SPAG16: variants seen among roughly 807,000 people sequenced by gnomAD.
SPAG16 encodes the protein sperm associated antigen 16, also known as sperm-associated antigen 16 protein.
Under a neutral mutation model 80.4 loss-of-function variants are expected in SPAG16, and 86 were observed. The ratio of observed to expected loss-of-function variants is 1.07; its 90% CI spans 0.90 to 1.28. The LOEUF (loss-of-function observed/expected upper bound fraction) is 1.28. SPAG16 is among the 50% of genes most tolerant of loss of function. The pLI is 0.00. For synonymous variants in SPAG16, 294 were observed against 265.9 expected (o/e 1.11, Z -1.03); for missense variants, 870 against 765.3 (o/e 1.14, Z -1.61).
At chr2:214,258,755 T>C (rs1037352093) in intron 15 of SPAG16, among the ~76,000 whole-genome samples, 1 of 151,914 alleles carries the variant, frequency 6.6e-6, no homozygotes, top group South Asian at 2.1e-4. Context: ...ATTATTTATA[T>C]TAGTATATCT....
intron 15 of SPAG16, among the ~76,000 whole-genome samples, chr2:214,205,790 G>T (rs2058127349): frequency 6.6e-6 from 1 of 152,092 alleles, no homozygotes; most frequent in Admixed American, 6.5e-5. Flanking sequence ...CATATAATGT[G>T]TAGTAATCAA....
At chr2:214,106,850 G>A (rs530812510) in intron 13 of SPAG16, among the ~76,000 whole-genome samples, 1 of 152,028 alleles carries the variant, frequency 6.6e-6, no homozygotes, top group Non-Finnish European at 1.5e-5. Context: ...AATGTGTGAG[G>A]CAAACATCTA....
At chr2:214,323,427 G>T (rs1020261180) in intron 15 of SPAG16, among the ~76,000 whole-genome samples, 1 of 151,764 alleles carries the variant, frequency 6.6e-6, no homozygotes, top group African/African-American at 2.4e-5. Context: ...TCAAGTATTA[G>T]GTCATATTTA....
Position 213,340,230 on chromosome 2 carries a change from A to C in SPAG16, c.604A>C (p.Ile202Leu), listed in dbSNP as rs1451502291. Residue 202 changes from isoleucine to leucine, a missense_variant, in exon 6 of 16, where the codon ATA (isoleucine) becomes CTA (leucine). Ile to Leu is a conservative substitution (Grantham distance 5, BLOSUM62 2). Coordinates refer to ENST00000331683, the MANE Select transcript of SPAG16 (RefSeq NM_024532.5). ...TTTTCATCGAATGCATCATAAGCGAATAGTCCAGGAAAAAAACAAATTAAT... is the reference window on the plus strand; with the variant it reads ...TTTTCATCGAATGCATCATAAGCGACTAGTCCAGGAAAAAAACAAATTAAT... ...RDFHRMHHKR[I>L]VQEKNKLIND... The C allele has an allele frequency of 6.2e-7, 1 of 1,612,932 alleles. No individual in the cohort carries two copies. The highest frequency in any genetic ancestry group is 1.7e-5 in the Admixed American group (1 of 59,844).
chr2:213,950,100 G>A (rs1458277259), intron 12 of SPAG16, among the ~76,000 whole-genome samples: 1 of 152,128 alleles, frequency 6.6e-6, no homozygotes, highest in Non-Finnish European at 1.5e-5. Context: ...GGATTCACCT[G>A]AATATTAAAC....
At chr2:214,167,424 G>A (rs991591059) in intron 15 of SPAG16, among the ~76,000 whole-genome samples, 2 of 152,052 alleles carry the variant, frequency 1.3e-5, no homozygotes, top group African/African-American at 2.4e-5. Flanking sequence ...GGATGCCCAT[G>A]AGCCAACAAA....
At chr2:214,039,689 A>G (rs546003577) in intron 13 of SPAG16, among the ~76,000 whole-genome samples, 2 of 152,342 alleles carry the variant, frequency 1.3e-5, no homozygotes, top group South Asian at 4.1e-4. Context: ...AACTGGCTAT[A>G]AAATTTTTCA....
chr2:214,097,048 T>C (rs774441557), intron 13 of SPAG16, among the ~76,000 whole-genome samples: 4 of 152,094 alleles, frequency 2.6e-5, no homozygotes, highest in Non-Finnish European at 4.4e-5. Context: ...TGCTCTATTG[T>C]ATTAAAATGT....
intron 10 of SPAG16, among the ~76,000 whole-genome samples, chr2:213,555,929 G>A (rs563217614): frequency 6.6e-6 from 1 of 152,124 alleles, no homozygotes; most frequent in East Asian, 1.9e-4. Context: ...TATGTAAATT[G>A]TGACATCAAA....
At chr2:214,007,539 C>A (rs537452271) in intron 12 of SPAG16, among the ~76,000 whole-genome samples, 46 of 152,138 alleles carry the variant, frequency 3.0e-4, no homozygotes, top group Non-Finnish European at 5.9e-4. Flanking sequence ...TTCTTTTCAG[C>A]CTTTCTGGTA....
rs774715189 is a variant in SPAG16, at chr2:213,929,917, G to A, written c.1215-43G>A. On this transcript the variant is annotated intron_variant, in intron 11 of 15. Transcript: ENST00000331683. ...AGAATGCAGTATTCATAAAAATTAT[G>A]TTACTTTTTAAACAAGCTGTCTTTT... 3.9e-6 allele frequency: 6 copies of A among 1,557,736 alleles called. No homozygotes were observed. The South Asian group carries it at 6.9e-5, about 18-fold the overall frequency.
intron 10 of SPAG16, among the ~76,000 whole-genome samples, chr2:213,677,915 T>G (rs1255759121): frequency 1.1e-4 from 16 of 151,962 alleles, no homozygotes; most frequent in Non-Finnish European, 2.1e-4. Flanking sequence ...TATAACAAAC[T>G]GTCTCTCAGA....
intron 13 of SPAG16, among the ~76,000 whole-genome samples, chr2:214,042,000 A>G (rs924322283): frequency 2.4e-5 from 3 of 127,312 alleles, no homozygotes; most frequent in Admixed American, 7.8e-5. Context: ...ATATATATAT[A>G]TATATATACA....
Position 214,094,959 on chromosome 2 carries a change from G to A in SPAG16, c.1528-13237G>A, listed in dbSNP as rs72937950. On this transcript the variant is annotated intron_variant, in intron 13 of 15. Coordinates refer to ENST00000331683, the MANE Select transcript of SPAG16 (RefSeq NM_024532.5). ...GTTGCCAATTGGATGAAACTTTTGA[G>A]AGGACTTGGGGAGGGGCTGCATGTG... is the stretch of plus-strand genomic sequence containing the variant. Among the ~76,000 whole-genome samples the A allele has an allele frequency of 1.9e-3, 291 of 151,694 alleles. 2 individuals carry two copies. The highest frequency in any genetic ancestry group is 3.2e-3 in the Non-Finnish European group (219 of 67,944).
At chr2:213,882,067 T>C (rs2076365126) in intron 11 of SPAG16, among the ~76,000 whole-genome samples, 1 of 152,208 alleles carries the variant, frequency 6.6e-6, no homozygotes, top group Non-Finnish European at 1.5e-5. Context: ...TCAAAAGCTT[T>C]TTATGAATCC....
At chr2:213,410,025 G>C (rs1036854104) in intron 9 of SPAG16, among the ~76,000 whole-genome samples, 6 of 151,692 alleles carry the variant, frequency 4.0e-5, no homozygotes, top group Non-Finnish European at 8.8e-5. Context: ...AAACTTTAGC[G>C]ATCCTGGGAA....
At chr2:214,007,852 G>T (rs1176097711) in intron 12 of SPAG16, among the ~76,000 whole-genome samples, 1 of 152,096 alleles carries the variant, frequency 6.6e-6, no homozygotes, top group Admixed American at 6.6e-5. Context: ...TTTCAATCTT[G>T]ATATGAATAT....
Position 213,928,904 on chromosome 2 carries a change from T to TACACAC in SPAG16, c.1215-1022_1215-1017dup, listed in dbSNP as rs71063798. Reference sequence around the variant, plus strand: ...AGTAAAATTTTCTTGCAGCTGATGTTACACACACACACACACACACACACA... The same window carrying TACACAC: ...AGTAAAATTTTCTTGCAGCTGATGTTACACACACACACACACACACACACACACACA... On this transcript the variant is annotated intron_variant, in intron 11 of 15. Coordinates refer to ENST00000331683, the MANE Select transcript of SPAG16 (RefSeq NM_024532.5). Among the ~76,000 whole-genome samples the TACACAC allele has an allele frequency of 5.0e-3, 718 of 143,068 alleles. 3 individuals are homozygous for TACACAC. The highest frequency in any genetic ancestry group is 0.014 in the African/African-American group (527 of 37,716). The allele number at this position is 143,068 out of a possible 152,430, so 93.9% of individuals were successfully genotyped here. A position where few individuals can be genotyped will look rare whatever the true frequency, so the allele number is the denominator to read the frequency against.
chr2:213,363,473 G>T (rs1157721402), intron 7 of SPAG16, among the ~76,000 whole-genome samples: 1 of 152,002 alleles, frequency 6.6e-6, no homozygotes, highest in Non-Finnish European at 1.5e-5. Flanking sequence ...ATGGTATTTT[G>T]TGTTGGTATA....
Sources: gnomAD v4.1 joint callset for allele counts (sites outside exome capture counted in the v4.1 genomes callset) on GRCh38, gnomAD v4.1.1 for gene constraint, MANE v1.5 for transcripts, NCBI Gene and HGNC (gene_info 2026-07-23, HGNC 2026-07-21) for gene names.